The following NFIB variants were observed in gnomAD, a reference collection of about 807,000 sequenced individuals.
The protein encoded by NFIB is nuclear factor 1 B-type.
In NFIB, 11 loss-of-function variants were observed where a neutral mutation model predicts 61.5. That is an observed-to-expected ratio of 0.18 (90% CI 0.11 to 0.30). The LOEUF (loss-of-function observed/expected upper bound fraction) is 0.30, where lower values mean the gene tolerates loss of function less well. Among genes scored for constraint, NFIB ranks in the 10% least tolerant of loss-of-function variants. The pLI, the probability that NFIB is intolerant of heterozygous loss-of-function variation, is 1.00. For synonymous variants in NFIB, 260 were observed against 216.5 expected (o/e 1.20, Z -1.76); for missense variants, 471 against 608.9 (o/e 0.77, Z 2.38).
intron 6 of NFIB, among the ~76,000 whole-genome samples, chr9:14,143,630 T>C (rs775532170): frequency 6.6e-6 from 1 of 152,176 alleles, no homozygotes; most frequent in Admixed American, 6.5e-5. Flanking sequence ...AACCAATAAA[T>C]AGTTATTGAG....
chr9:14,427,945 T>TTTTTTTG, the NFIB span, among the ~76,000 whole-genome samples: 2 of 94,498 alleles, frequency 2.1e-5, 1 homozygote. Context: ...TTGTTTTTTT[T>TTTTTTTG]TTTTTTTTTT....
the NFIB span, among the ~76,000 whole-genome samples, chr9:14,423,320 G>C: frequency 1.3e-5 from 2 of 152,156 alleles, no homozygotes; most frequent in East Asian, 1.9e-4. Flanking sequence ...ACTCCTTGCT[G>C]TTTTCCTGTG....
chr9:14,474,377 C>T, the NFIB span, among the ~76,000 whole-genome samples: 1 of 152,220 alleles, frequency 6.6e-6, no homozygotes, highest in African/African-American at 2.4e-5. Flanking sequence ...ACGGTTTCAT[C>T]CTCAAAACCT....
At position 14,194,688 on chromosome 9, in the gene NFIB, G is replaced by T. The variant is rs537400694; in HGVS notation, c.563-14908C>A. Reference sequence around the variant, plus strand: ...CAATTAAAGCCAAGATAAAACAAATGAGATACATTATACTAAGCAGATAGC... The same window carrying T: ...CAATTAAAGCCAAGATAAAACAAATTAGATACATTATACTAAGCAGATAGC... On this transcript the variant is annotated intron_variant, in intron 2 of 10. Transcript: ENST00000380953. Among the ~76,000 whole-genome samples, 32 of 152,190 alleles carry T rather than the reference G, an allele frequency of 2.1e-4. 1 individual carries two copies. The South Asian group carries it at 6.6e-3, about 32-fold the overall frequency.
chr9:14,511,014 G>A, the NFIB span, among the ~76,000 whole-genome samples: 1 of 152,146 alleles, frequency 6.6e-6, no homozygotes, highest in Non-Finnish European at 1.5e-5. Context: ...CATTAGGGAT[G>A]ATTTTGTCAA....
chr9:14,406,650 G>C, the NFIB span, among the ~76,000 whole-genome samples: 55 of 152,288 alleles, frequency 3.6e-4, no homozygotes, highest in East Asian at 9.5e-3. Flanking sequence ...CTCTCTCATA[G>C]CTAGGTGTGG....
chr9:14,321,287 CTATT>C (rs1486786632), intron 1 of NFIB, among the ~76,000 whole-genome samples: 1 of 151,540 alleles, frequency 6.6e-6, no homozygotes, highest in Non-Finnish European at 1.5e-5. Flanking sequence ...TGGGGGGAAA[CTATT>C]AACAGGAGTG....
intron 1 of NFIB, among the ~76,000 whole-genome samples, chr9:14,387,130 T>G (rs1270355993): frequency 1.3e-5 from 2 of 152,220 alleles, no homozygotes; most frequent in East Asian, 3.8e-4. Flanking sequence ...TGACTAACTG[T>G]TCATCACTGT....
chr9:14,520,341 T>C, the NFIB span, among the ~76,000 whole-genome samples: 1 of 152,236 alleles, frequency 6.6e-6, no homozygotes, highest in Admixed American at 6.5e-5. Context: ...TAATAGGTGC[T>C]ATTTCCCTAA....
chr9:14,196,034 C>G (rs1178875872), intron 2 of NFIB, among the ~76,000 whole-genome samples: 2 of 152,066 alleles, frequency 1.3e-5, no homozygotes, highest in Non-Finnish European at 2.9e-5. Flanking sequence ...CATGTGTCTC[C>G]TTAGTCCATT....
the NFIB span, among the ~76,000 whole-genome samples, chr9:14,407,052 T>C: frequency 6.6e-6 from 1 of 152,212 alleles, no homozygotes; most frequent in East Asian, 1.9e-4. Context: ...CCTCATTCTG[T>C]GGCCCTCTTG....
intron 4 of NFIB, among the ~76,000 whole-genome samples, chr9:14,154,638 C>A (rs934043590): frequency 6.6e-6 from 1 of 152,126 alleles, no homozygotes; most frequent in Non-Finnish European, 1.5e-5. Flanking sequence ...TACACTGCCA[C>A]CATGTAAAAA....
intron 1 of NFIB, among the ~76,000 whole-genome samples, chr9:14,382,979 C>A (rs1019953000): frequency 1.1e-4 from 17 of 152,114 alleles, no homozygotes; most frequent in African/African-American, 4.1e-4. Flanking sequence ...CAGAATACAG[C>A]ACAATTTGGA....
At chr9:14,241,818 T>G (rs1555553) in intron 2 of NFIB, among the ~76,000 whole-genome samples, 80,878 of 152,022 alleles carry the variant, frequency 0.53, 22,294 homozygotes, top group Middle Eastern at 0.75. Context: ...TTCCTCTCCT[T>G]ATAGACACAG....
intron 10 of NFIB, among the ~76,000 whole-genome samples, chr9:14,100,582 C>T (rs556051954): frequency 2.0e-4 from 31 of 152,218 alleles, no homozygotes; most frequent in Admixed American, 1.7e-3. Flanking sequence ...TGGTGGCGGG[C>T]GCCTGTAGTC....
chr9:14,380,879 G>A (rs57498345), intron 1 of NFIB, among the ~76,000 whole-genome samples: 75 of 152,052 alleles, frequency 4.9e-4, no homozygotes, highest in African/African-American at 1.7e-3. Context: ...GAAGCTAGGT[G>A]CTGTCACTAA....
the NFIB span, among the ~76,000 whole-genome samples, chr9:14,472,300 C>T: frequency 3.3e-4 from 51 of 152,316 alleles, no homozygotes; most frequent in Non-Finnish European, 5.4e-4. Context: ...TTGTTCTCAA[C>T]GACCTCTAGC....
intron 1 of NFIB, among the ~76,000 whole-genome samples, chr9:14,391,337 C>CG (rs922693489): frequency 3.3e-4 from 2 of 6,064 alleles, no homozygotes; most frequent in Non-Finnish European, 6.4e-4. Flanking sequence ...AGATGCCCCC[C>CG]CCCCACCCCC....
chr9:14,399,617 A>T (rs894104977), upstream of NFIB, among the ~76,000 whole-genome samples: 5 of 152,206 alleles, frequency 3.3e-5, no homozygotes, highest in Non-Finnish European at 5.9e-5. Context: ...CCCCCAGAAG[A>T]GTTAAGTTTA....
Sources: gnomAD v4.1 joint callset for allele counts (sites outside exome capture counted in the v4.1 genomes callset) on GRCh38, gnomAD v4.1.1 for gene constraint, MANE v1.5 for transcripts, NCBI Gene and HGNC (gene_info 2026-07-23, HGNC 2026-07-21) for gene names.